Variants in RYR3 observed in about 807,000 individuals in gnomAD.
The protein encoded by RYR3 is brain ryanodine receptor-calcium release channel.
A neutral mutation model predicts 584.3 loss-of-function variants in RYR3; 207 were observed. That is an observed-to-expected ratio of 0.35 (90% CI 0.32 to 0.40). The LOEUF is 0.40. Among genes scored for constraint, RYR3 ranks in the 10% least tolerant of loss-of-function variants. The probability of loss-of-function intolerance (pLI) is 1.00; values close to 1 mark genes in which losing one functional copy is unlikely to be tolerated. For missense variants in RYR3, 5,616 were observed against 6,089.2 expected, an observed-to-expected ratio of 0.92 and a Z score of 2.59; for synonymous variants, 2,416 against 2,248.5, an observed-to-expected ratio of 1.07 and a Z score of -2.11.
intron 1 of RYR3, among the ~76,000 whole-genome samples, chr15:33,347,948 T>A (rs1449713286): frequency 1.1e-5 from 1 of 93,192 alleles, no homozygotes; most frequent in Non-Finnish European, 2.3e-5. Context: ...GCTACTGGCA[T>A]TTTTTTTTTT....
intron 7 of RYR3, among the ~76,000 whole-genome samples, chr15:33,542,757 A>G (rs1347775635): frequency 1.3e-5 from 2 of 152,080 alleles, no homozygotes; most frequent in Non-Finnish European, 2.9e-5. Context: ...TGACACAGAC[A>G]TTGGGTATAT....
chr15:33,526,596 G>A (rs1400190403), intron 3 of RYR3, among the ~76,000 whole-genome samples: 49 of 151,652 alleles, frequency 3.2e-4, no homozygotes, highest in Non-Finnish European at 1.5e-5. Context: ...ATCCAAACAC[G>A]TTGCTGACAA....
intron 1 of RYR3, among the ~76,000 whole-genome samples, chr15:33,436,501 C>CT (rs34317660): frequency 0.018 from 2,398 of 135,910 alleles, 55 homozygotes; most frequent in African/African-American, 0.046. Flanking sequence ...AAACCATATT[C>CT]TTTTTTTTTT....
chr15:33,832,517 G>A lies in RYR3; in HGVS notation c.11463+1426G>A, dbSNP rs1404374149. Reference sequence around the variant, plus strand: ...TAAAAAATACAAAAATTAGCTGGGCGTGTTGGTGGGTGCCTGTAATCCCAG... The same window carrying A: ...TAAAAAATACAAAAATTAGCTGGGCATGTTGGTGGGTGCCTGTAATCCCAG... On this transcript the variant is annotated intron_variant, in intron 86 of 103. Coordinates refer to ENST00000634891, the MANE Select transcript of RYR3 (RefSeq NM_001036.6). Among the ~76,000 whole-genome samples the A allele has an allele frequency of 3.3e-5, 5 of 151,632 alleles. No individual in the cohort carries two copies. The East Asian group carries it at 5.9e-4, about 18-fold the overall frequency.
At chr15:33,848,240 A>T (rs1254982682) in intron 93 of RYR3, 51 bp from the exon 94 acceptor site, 1 of 1,606,684 alleles carries the variant, frequency 6.2e-7, no homozygotes, top group South Asian at 1.1e-5. Context: ...TGGGAGCAGG[A>T]GCTTTAATCA....
intron 85 of RYR3, among the ~76,000 whole-genome samples, chr15:33,829,711 C>T (rs543950053): frequency 5.3e-5 from 8 of 151,404 alleles, no homozygotes; most frequent in Admixed American, 3.9e-4. Flanking sequence ...CAGATTGCGC[C>T]GCTGCACTCC....
intron 42 of RYR3, among the ~76,000 whole-genome samples, chr15:33,705,821 G>A (rs1191465873): frequency 6.6e-6 from 1 of 152,232 alleles, no homozygotes. Context: ...CCCACTCTGG[G>A]TCAGTCAGTG....
intron 31 of RYR3, among the ~76,000 whole-genome samples, chr15:33,652,253 G>A (rs540226590): frequency 6.6e-6 from 1 of 152,268 alleles, no homozygotes; most frequent in South Asian, 2.1e-4. Flanking sequence ...ATGTGGGCCC[G>A]AGTTTTCAAG....
chr15:33,796,693 A>C (rs1357929885), intron 67 of RYR3, among the ~76,000 whole-genome samples: 1 of 152,192 alleles, frequency 6.6e-6, no homozygotes, highest in African/African-American at 2.4e-5. Context: ...ACAGTATGGA[A>C]ATTTCTCAAA....
At chr15:33,597,715 A>G (rs2059443824) in intron 16 of RYR3, among the ~76,000 whole-genome samples, 1 of 152,042 alleles carries the variant, frequency 6.6e-6, no homozygotes. Flanking sequence ...CTAAACAGGA[A>G]CTTTAAAAAG....
intron 52 of RYR3, among the ~76,000 whole-genome samples, chr15:33,744,451 A>G (rs2070477484): frequency 6.6e-6 from 1 of 152,158 alleles, no homozygotes; most frequent in Non-Finnish European, 1.5e-5. Flanking sequence ...TCACAAGAAA[A>G]AGAGTATTTT....
At chr15:33,659,841 A>C (rs750200040) in intron 33 of RYR3, 35 bp downstream of exon 33, 6 of 1,392,578 alleles carry the variant, frequency 4.3e-6, no homozygotes, top group Non-Finnish European at 6.1e-6. Flanking sequence ...TGGCCATGAC[A>C]AGAGAAAGCA....
chr15:33,662,228 C>T lies in RYR3; in HGVS notation c.4698C>T (p.Ser1566=), dbSNP rs563422149. 1.8e-5 allele frequency: 29 copies of T among 1,608,630 alleles called. No homozygotes were observed. The highest frequency in any genetic ancestry group is 1.0e-4 in the South Asian group (9 of 89,730). Reference sequence around the variant, plus strand: ...ATTACCACACGCTGAGGCTCTACAGCGCGGTGTGCGCCCTGGGAAACAGCC... The same window carrying T: ...ATTACCACACGCTGAGGCTCTACAGTGCGGTGTGCGCCCTGGGAAACAGCC... ...RFHYHTLRLY[S]AVCALGNSRV... The change falls in exon 35 of 104, where the codon AGC becomes AGT. Residue 1566 remains serine, a synonymous_variant. Transcript: ENST00000634891.
intron 81 of RYR3, 44 bp downstream of exon 81, chr15:33,823,116 T>C (rs745890984): frequency 2.6e-6 from 4 of 1,549,938 alleles, no homozygotes; most frequent in Non-Finnish European, 3.5e-6. Flanking sequence ...AACTCTTCCC[T>C]CTAAGCATAG....
intron 85 of RYR3, among the ~76,000 whole-genome samples, chr15:33,830,505 G>A (rs972633961): frequency 5.3e-5 from 8 of 152,156 alleles, no homozygotes; most frequent in Non-Finnish European, 8.8e-5. Flanking sequence ...TCAACATTTT[G>A]TATGACTCAC....
rs151309116 is a variant in RYR3, at chr15:33,389,035, C to T, written c.51+77939C>T. 1.6e-3 allele frequency among the ~76,000 whole-genome samples: 211 copies of T among 131,048 alleles called. 5 individuals carry two copies. In the East Asian group the frequency reaches 0.043, roughly 27 times the overall value. 86.0% of individuals were successfully genotyped at this position (131,048 alleles called of 152,430 possible). ...CATGTTTAATTGAACAATGAGAACA[C>T]ATGGACACAGGAAGGGGAACATCAC... On this transcript the variant is annotated intron_variant, in intron 1 of 103. Coordinates refer to ENST00000634891, the MANE Select transcript of RYR3 (RefSeq NM_001036.6).
At chr15:33,809,720 C>CT (rs1226829341) in intron 70 of RYR3, among the ~76,000 whole-genome samples, 1 of 151,406 alleles carries the variant, frequency 6.6e-6, no homozygotes, top group African/African-American at 2.4e-5. Flanking sequence ...GCTGCAACCT[C>CT]TGTCTCATGG....
chr15:33,770,524 G>A (rs1452519913), intron 62 of RYR3, among the ~76,000 whole-genome samples: 5 of 152,102 alleles, frequency 3.3e-5, no homozygotes, highest in Non-Finnish European at 7.4e-5. Context: ...GGCAGAGGTG[G>A]GTGGATTGCT....
Position 33,757,586 on chromosome 15 carries a change from A to G in RYR3, c.8695A>G (p.Met2899Val). Residue 2899 changes from methionine to valine, a missense_variant, in exon 60 of 104, where the codon ATG becomes GTG. Physicochemically the swap from Met to Val is conservative, Grantham distance 21. Coordinates refer to ENST00000634891, the MANE Select transcript of RYR3 (RefSeq NM_001036.6). ...ATATGCCTCCCATAAGGAGAAAGAAATGGTGGCCGGGTGAGTCTACAAGAT... is the reference window on the plus strand; with the variant it reads ...ATATGCCTCCCATAAGGAGAAAGAAGTGGTGGCCGGGTGAGTCTACAAGAT... ...SGYASHKEKE[M>V]VAGLFCKLAA... 1 of 1,610,740 alleles carries G rather than the reference A, an allele frequency of 6.2e-7. No homozygotes were observed. The highest frequency in any genetic ancestry group is 8.5e-7 in the Non-Finnish European group (1 of 1,178,724).
Sources: allele counts gnomAD v4.1 joint callset (sites outside exome capture counted in the v4.1 genomes callset), GRCh38; gene constraint gnomAD v4.1.1; transcripts MANE v1.5; gene names NCBI Gene and HGNC (gene_info 2026-07-23, HGNC 2026-07-21).